HIBCH: variants seen among roughly 807,000 people sequenced by gnomAD.
The protein encoded by HIBCH is 3-hydroxyisobutyryl-CoA hydrolase.
In HIBCH, 50 loss-of-function variants were observed where a neutral mutation model predicts 58.2. That is an observed-to-expected ratio of 0.86 (90% CI 0.68 to 1.09). HIBCH has a LOEUF of 1.09. Ranked by LOEUF, HIBCH falls within the 50% of genes least tolerant of loss-of-function variation. The pLI is 0.00. For synonymous variants in HIBCH, 151 were observed against 146.9 expected (o/e 1.03, Z -0.20); for missense variants, 450 against 449.7 (o/e 1.00, Z -0.01).
intron 1 of HIBCH, among the ~76,000 whole-genome samples, chr2:190,193,550 G>C (rs989085477): frequency 7.9e-5 from 12 of 151,938 alleles, no homozygotes; most frequent in African/African-American, 2.9e-4. Context: ...GTTTCTTTTT[G>C]GAAAGATTTA....
rs575980383 is a variant in HIBCH at position 190,304,141 on chromosome 2, GA to G, written c.78+6612del. ...TTGATTTCTGGAACAGAATATTAAT[GA>G]AAAAAAACTGGTGAAATCCAAATAA... On this transcript the variant is annotated intron_variant, in intron 2 of 13. Transcript: ENST00000359678. The surrounding 1 kb of genome is among the most constrained non-coding windows in gnomAD (Gnocchi z 4.1). Among the ~76,000 whole-genome samples the G allele has an allele frequency of 1.6e-3, 238 of 149,766 alleles. 1 individual carries two copies. The highest frequency in any genetic ancestry group is 5.6e-3 in the African/African-American group (227 of 40,694).
chr2:190,201,615 T>C (rs1030693273), downstream of HIBCH: 2 of 167,054 alleles, frequency 1.2e-5, no homozygotes, highest in Non-Finnish European at 2.9e-5. Context: ...CACAATCAAA[T>C]AGAGTGAATT....
At chr2:190,221,694 C>T (rs778748617) in intron 11 of HIBCH, among the ~76,000 whole-genome samples, 1 of 152,168 alleles carries the variant, frequency 6.6e-6, no homozygotes, top group East Asian at 1.9e-4. Flanking sequence ...GCCCCACCCC[C>T]CATCCAGTGC....
Position 190,210,908 on chromosome 2 carries a change from C to A in HIBCH, c.1012-1995G>T, listed in dbSNP as rs990274254. Among the ~76,000 whole-genome samples, 1 of 152,134 alleles carries A rather than the reference C, an allele frequency of 6.6e-6. No homozygotes were observed. Among genetic ancestry groups the A allele is most frequent in the Non-Finnish European group, 1.5e-5 (1 of 68,038 alleles). On this transcript the variant is annotated intron_variant, in intron 12 of 13. Transcript: ENST00000359678. The surrounding 1 kb of genome is among the most constrained non-coding windows in gnomAD (Gnocchi z 5.5). Reference sequence around the variant, plus strand: ...CTGGTCATCCCATCTACAATTCATCCCCCTGTTACTCTATATCACATATCC... The same window carrying A: ...CTGGTCATCCCATCTACAATTCATCACCCTGTTACTCTATATCACATATCC...
At chr2:190,223,508 A>T (rs1685792357) in intron 11 of HIBCH, among the ~76,000 whole-genome samples, 2 of 152,238 alleles carry the variant, frequency 1.3e-5, no homozygotes, top group African/African-American at 4.8e-5. Flanking sequence ...AGAAAAACAG[A>T]GTCAAGGAAA....
intron 7 of HIBCH, 54 bp downstream of exon 7, chr2:190,261,102 T>C: frequency 7.8e-7 from 1 of 1,282,396 alleles, no homozygotes; most frequent in Non-Finnish European, 1.1e-6. Context: ...CTCTGAAACA[T>C]ATCAAAAGAA....
chr2:190,229,333 T>G (rs1391023435), intron 11 of HIBCH, among the ~76,000 whole-genome samples: 1 of 152,138 alleles, frequency 6.6e-6, no homozygotes, highest in Non-Finnish European at 1.5e-5. Flanking sequence ...GAAAACAAAT[T>G]GGCTTATCTC....
chr2:190,290,630 C>A, intron 4 of HIBCH, 145 bp from the exon 5 acceptor site: 1 of 656,834 alleles, frequency 1.5e-6, no homozygotes, highest in South Asian at 1.8e-5. Flanking sequence ...GCCCCTGCCA[C>A]AGACATTATA....
At chr2:190,223,196 C>G (rs148417350) in intron 11 of HIBCH, among the ~76,000 whole-genome samples, 11 of 152,236 alleles carry the variant, frequency 7.2e-5, no homozygotes, top group African/African-American at 2.6e-4. Flanking sequence ...GTGCAGCAAA[C>G]CACCAGGGCA....
intron 11 of HIBCH, among the ~76,000 whole-genome samples, chr2:190,237,081 T>C (rs1176180665): frequency 5.3e-5 from 8 of 152,208 alleles, no homozygotes; most frequent in African/African-American, 1.9e-4. Context: ...CAGTATGTCA[T>C]TTTATTTTTT....
At chr2:190,291,577 A>G (rs1687959303) in intron 4 of HIBCH, among the ~76,000 whole-genome samples, 1 of 152,236 alleles carries the variant, frequency 6.6e-6, no homozygotes, top group Non-Finnish European at 1.5e-5. Context: ...GTGAGGCTAG[A>G]CAGGTAAATA....
At chr2:190,280,490 C>G (rs1194841322) in intron 6 of HIBCH, among the ~76,000 whole-genome samples, 4 of 152,186 alleles carry the variant, frequency 2.6e-5, no homozygotes, top group Admixed American at 2.0e-4. Flanking sequence ...TCCCAGTAGA[C>G]AGAAAACACC....
chr2:190,271,176 G>C (rs1166802448), intron 6 of HIBCH, among the ~76,000 whole-genome samples: 1 of 150,432 alleles, frequency 6.6e-6, no homozygotes, highest in Non-Finnish European at 1.5e-5. Flanking sequence ...AGTCATTCTT[G>C]CTCCACTTTA....
chr2:190,216,834 G>A lies in HIBCH; in HGVS notation c.892-3759C>T, dbSNP rs1194944647. ...CCCAGAGCTTGGCTGGGCTGGGGGA[G>A]GATCCCTGCAGCTGAGGAGGAGGAA... On this transcript the variant is annotated intron_variant, in intron 11 of 13. Coordinates refer to ENST00000359678, the MANE Select transcript of HIBCH (RefSeq NM_014362.4). The surrounding 1 kb of genome is among the most constrained non-coding windows in gnomAD (Gnocchi z 4.2). Among the ~76,000 whole-genome samples, 2 of 152,178 alleles carry A rather than the reference G, an allele frequency of 1.3e-5. No individual in the cohort carries two copies. The highest frequency in any genetic ancestry group is 2.4e-5 in the African/African-American group (1 of 41,456).
Position 190,243,402 on chromosome 2 carries a change from A to G in HIBCH, c.891+1485T>C, listed in dbSNP as rs1002381330. On this transcript the variant is annotated intron_variant, in intron 11 of 13. Coordinates refer to ENST00000359678, the MANE Select transcript of HIBCH (RefSeq NM_014362.4). This position sits in a 1 kb window ranked among gnomAD's most constrained non-coding sequence, Gnocchi z 4.1. ...TTGTGATTGTGCAGGTTAATACTTA[A>G]TAAACTCCCCTTTATATACATATCT... Among the ~76,000 whole-genome samples the G allele has an allele frequency of 2.0e-5, 3 of 152,158 alleles. No individual in the cohort carries two copies. Among genetic ancestry groups the G allele is most frequent in the Admixed American group, 1.3e-4 (2 of 15,288 alleles).
chr2:190,314,975 T>C (rs1391701786), intron 1 of HIBCH, among the ~76,000 whole-genome samples: 2 of 151,120 alleles, frequency 1.3e-5, no homozygotes, highest in East Asian at 3.9e-4. Flanking sequence ...TGAGCCTGAG[T>C]CTCTCTCTGT....
intron 11 of HIBCH, among the ~76,000 whole-genome samples, chr2:190,237,590 G>A (rs772373094): frequency 6.6e-6 from 1 of 152,010 alleles, no homozygotes; most frequent in Non-Finnish European, 1.5e-5. Flanking sequence ...TTGGGTCTTG[G>A]TGAGTTTATG....
At chr2:190,194,350 T>C (rs1360245482) in intron 1 of HIBCH, among the ~76,000 whole-genome samples, 1 of 152,142 alleles carries the variant, frequency 6.6e-6, no homozygotes, top group Non-Finnish European at 1.5e-5. Context: ...CAGTTTTAAG[T>C]TGTGTATCTT....
Position 190,232,485 on chromosome 2 carries a change from G to A in HIBCH, c.891+12402C>T, listed in dbSNP as rs532314978. On this transcript the variant is annotated intron_variant, in intron 11 of 13. Transcript: ENST00000359678. ...CTTCACAAGATCTCAACTAGTTGCT[G>A]GAGGTGCAAGTACCCACTGGAAGAG... Among the ~76,000 whole-genome samples the A allele has an allele frequency of 3.1e-4, 47 of 152,240 alleles. No individual in the cohort carries two copies. The East Asian group carries it at 8.7e-3, about 28-fold the overall frequency.
Sources: gnomAD v4.1 joint callset for allele counts (sites outside exome capture counted in the v4.1 genomes callset) on GRCh38, gnomAD v4.1.1 for gene constraint, Gnocchi (gnomAD v3.1) non-coding constraint, MANE v1.5 for transcripts, NCBI Gene and HGNC (gene_info 2026-07-23, HGNC 2026-07-21) for gene names.